The following SLAMF8 variants were observed in gnomAD, a reference collection of about 807,000 sequenced individuals.
The protein encoded by SLAMF8 is SLAM family member 8, also known as B lymphocyte activator macrophage expressed.
A neutral mutation model predicts 29.0 loss-of-function variants in SLAMF8; 23 were observed. The ratio of observed to expected loss-of-function variants is 0.79; its 90% confidence interval spans 0.57 to 1.13. The LOEUF (loss-of-function observed/expected upper bound fraction) is 1.13, where lower values mean the gene tolerates loss of function less well. Among genes scored for constraint, SLAMF8 ranks in the 50% most tolerant of loss-of-function variants. The pLI, the probability that SLAMF8 is intolerant of heterozygous loss-of-function variation, is 0.00. For synonymous variants in SLAMF8, 139 were observed against 145.6 expected (o/e 0.96, Z 0.32); for missense variants, 381 against 353.1 (o/e 1.08, Z -0.63).
intron 2 of SLAMF8, 89 bp from the exon 3 acceptor site, chr1:159,832,786 GC>G (rs1411919462): frequency 1.4e-6 from 2 of 1,417,062 alleles, no homozygotes; most frequent in Non-Finnish European, 1.9e-6. Flanking sequence ...GCCAGAGGTG[GC>G]ATCTAACCCT....
At position 159,836,802 on chromosome 1, in the gene SLAMF8, T is replaced by A; in HGVS notation, c.*1542T>A. ...GCTCAGAGGTTCCCTGTTGGTAACCTGGCTTTATCAAATTCTCATCCCTTT... is the reference window on the plus strand; with the variant it reads ...GCTCAGAGGTTCCCTGTTGGTAACCAGGCTTTATCAAATTCTCATCCCTTT... On this transcript the variant is annotated 3_prime_UTR_variant, in exon 5 of 5. Transcript: ENST00000289707. 1.0e-6 allele frequency: 1 copy of A among 985,608 alleles called. No individual in the cohort carries two copies. Among genetic ancestry groups the A allele is most frequent in the Non-Finnish European group, 1.2e-6 (1 of 830,026 alleles). The allele number at this position is 985,608 out of a possible 1,614,324, so 61.1% of individuals were successfully genotyped here.
rs1571147624 is a variant in SLAMF8, at chr1:159,836,439, C to T, written c.*1179C>T. On this transcript the variant is annotated 3_prime_UTR_variant, in exon 5 of 5. Coordinates refer to ENST00000289707, the MANE Select transcript of SLAMF8 (RefSeq NM_020125.3). Reference sequence around the variant, plus strand: ...GGAGTATTGATCACTACTGGAAAAACACTTAAGGAGCTAAACTTACCTTCG... The same window carrying T: ...GGAGTATTGATCACTACTGGAAAAATACTTAAGGAGCTAAACTTACCTTCG... The T allele has an allele frequency of 1.0e-6, 1 of 985,434 alleles. No individual in the cohort carries two copies. The highest frequency in any genetic ancestry group is 1.7e-5 in the African/African-American group (1 of 57,358). The allele number at this position is 985,434 out of a possible 1,614,324, so 61.0% of individuals were successfully genotyped here. A position where few individuals can be genotyped will look rare whatever the true frequency, so the allele number is the denominator to read the frequency against.
intron 2 of SLAMF8, among the ~76,000 whole-genome samples, chr1:159,831,966 C>T (rs1647518686): frequency 6.6e-6 from 1 of 152,190 alleles, no homozygotes; most frequent in South Asian, 2.1e-4. Flanking sequence ...ACTGAACTGG[C>T]ATTAACGAGG....
rs1709886255 is a variant in SLAMF8 at position 159,836,353 on chromosome 1, T to G, written c.*1093T>G. ...GTCACTCTGACTCCATCAAACTTTTTATTGTGGCCATCTTAGGAAAATACA... is the reference window on the plus strand; with the variant it reads ...GTCACTCTGACTCCATCAAACTTTTGATTGTGGCCATCTTAGGAAAATACA... On this transcript the variant is annotated 3_prime_UTR_variant, in exon 5 of 5. Coordinates refer to ENST00000289707, the MANE Select transcript of SLAMF8 (RefSeq NM_020125.3). 1 of 985,434 alleles carries G rather than the reference T, an allele frequency of 1.0e-6. No homozygotes were observed. Among genetic ancestry groups the G allele is most frequent in the Admixed American group, 6.1e-5 (1 of 16,290 alleles). 61.0% of individuals were successfully genotyped at this position (985,434 alleles called of 1,614,324 possible).
At chr1:159,831,072 C>T (rs1490090851) in intron 2 of SLAMF8, among the ~76,000 whole-genome samples, 2 of 152,226 alleles carry the variant, frequency 1.3e-5, no homozygotes, top group East Asian at 3.8e-4. Flanking sequence ...CCACCTCCAC[C>T]ACCTTCATCA....
intron 2 of SLAMF8, among the ~76,000 whole-genome samples, chr1:159,830,931 G>C (rs1023420967): frequency 6.6e-6 from 1 of 152,078 alleles, no homozygotes; most frequent in Non-Finnish European, 1.5e-5. Context: ...GGCCCAGCTG[G>C]GTGCGACTTC....
At chr1:159,831,193 T>C (rs1232898679) in intron 2 of SLAMF8, among the ~76,000 whole-genome samples, 1 of 151,898 alleles carries the variant, frequency 6.6e-6, no homozygotes, top group East Asian at 1.9e-4. Flanking sequence ...ACCTTAGAAA[T>C]TTAGATAGAG....
chr1:159,829,775 G>T, intron 1 of SLAMF8, 91 bp from the exon 2 acceptor site: 1 of 1,422,410 alleles, frequency 7.0e-7, no homozygotes, highest in Non-Finnish European at 9.5e-7. Context: ...CAGTGGAGGG[G>T]CCCCAATTCA....
In SLAMF8 at chr1:159,837,019, G is replaced by A. The variant is rs12402918; in HGVS notation, c.*1759G>A. ...AAAGGAAAGCCCAGGATCTGACAAT[G>A]AGCCCTGGTGGATTTGTGGGGAAAA... On this transcript the variant is annotated 3_prime_UTR_variant, in exon 5 of 5. Transcript: ENST00000289707. 30 of 985,380 alleles carry A rather than the reference G, an allele frequency of 3.0e-5. No individual in the cohort carries two copies. In the African/African-American group the frequency reaches 3.5e-4, roughly 11 times the overall value. The allele number at this position is 985,380 out of a possible 1,614,324, so 61.0% of individuals were successfully genotyped here. A position where few individuals can be genotyped will look rare whatever the true frequency, so the allele number is the denominator to read the frequency against.
chr1:159,833,232 C>A (rs761528776), intron 3 of SLAMF8, 30 bp from the exon 4 acceptor site: 1 of 1,614,158 alleles, frequency 6.2e-7, no homozygotes. Flanking sequence ...AGCATCAAGT[C>A]CACCTCTAAC....
In SLAMF8 at chr1:159,833,014, C is replaced by A; in HGVS notation, c.506C>A (p.Thr169Asn). The change falls in exon 3 of 5, where the codon ACC (threonine) becomes AAC (asparagine). Residue 169 changes from threonine to asparagine, a missense_variant. Coordinates refer to ENST00000289707, the MANE Select transcript of SLAMF8 (RefSeq NM_020125.3). ...EITYSWRRET[T>N]MDFGMEPHSL... ...ACCTATAGCTGGCGACGGGAGACAA[C>A]CATGGACTTTGGTATGGAACCACAC... is the stretch of plus-strand genomic sequence containing the variant. 1 of 1,614,230 alleles carries A rather than the reference C, an allele frequency of 6.2e-7. No individual in the cohort carries two copies.
intron 1 of SLAMF8, among the ~76,000 whole-genome samples, chr1:159,828,432 C>T (rs1396080132): frequency 1.3e-5 from 2 of 152,214 alleles, no homozygotes; most frequent in Non-Finnish European, 2.9e-5. Context: ...CCGGAATTAT[C>T]ATGGCCGACT....
Position 159,833,290 on chromosome 1 carries a change from G to A in SLAMF8, c.702G>A (p.Val234=). ...CAGGGAAGGCCTCCTACAAAGATGTGCTGCTGGTGGTGGTGCCTGTCTCGC... is the reference window on the plus strand; with the variant it reads ...CAGGGAAGGCCTCCTACAAAGATGTACTGCTGGTGGTGGTGCCTGTCTCGC... ...AAPGKASYKD[V]LLVVVPVSLL... The change falls in exon 4 of 5, where the codon GTG becomes GTA. Residue 234 remains valine, a synonymous_variant. Coordinates refer to ENST00000289707, the MANE Select transcript of SLAMF8 (RefSeq NM_020125.3). 1 of 1,614,182 alleles carries A rather than the reference G, an allele frequency of 6.2e-7. No homozygotes were observed. Among genetic ancestry groups the A allele is most frequent in the Non-Finnish European group, 8.5e-7 (1 of 1,180,012 alleles).
Position 159,833,101 on chromosome 1 carries a change from C to T in SLAMF8, c.593C>T (p.Ala198Val). The T allele has an allele frequency of 6.2e-7, 1 of 1,614,188 alleles. No homozygotes were observed. Among genetic ancestry groups the T allele is most frequent in the Non-Finnish European group, 8.5e-7 (1 of 1,180,040 alleles). The change falls in exon 3 of 5, where the codon GCC (alanine) becomes GTC (valine). Residue 198 changes from alanine to valine, a missense_variant. Ala to Val is a moderately conservative substitution (Grantham distance 64, BLOSUM62 0). Coordinates refer to ENST00000289707, the MANE Select transcript of SLAMF8 (RefSeq NM_020125.3). ...ISLGPGDRDV[A>V]YSCIVSNPVS... ...CTGGGACCAGGAGACAGAGATGTGG[C>T]CTATTCCTGCATTGTCTCCAACCCT...
At chr1:159,829,738 C>A in intron 1 of SLAMF8, 128 bp from the exon 2 acceptor site, 2 of 951,566 alleles carry the variant, frequency 2.1e-6, no homozygotes, top group Non-Finnish European at 3.2e-6. Context: ...TAGCACAGTG[C>A]AACCTCAACT....
At chr1:159,829,269 A>G (rs1647295977) in intron 1 of SLAMF8, among the ~76,000 whole-genome samples, 2 of 152,162 alleles carry the variant, frequency 1.3e-5, no homozygotes. Flanking sequence ...AACCTACCTG[A>G]GACGCCCCAT....
Position 159,835,454 on chromosome 1 carries a change from C to T in SLAMF8, c.*194C>T, listed in dbSNP as rs1429925415. On this transcript the variant is annotated 3_prime_UTR_variant, in exon 5 of 5. Coordinates refer to ENST00000289707, the MANE Select transcript of SLAMF8 (RefSeq NM_020125.3). ...GAAGCACCAGCACGTTTCACACCTC[C>T]CCCTTCCCTCTCCCATCTTCTCATA... 2 of 1,364,354 alleles carry T rather than the reference C, an allele frequency of 1.5e-6. No individual in the cohort carries two copies. 84.5% of individuals were successfully genotyped at this position (1,364,354 alleles called of 1,614,324 possible).
intron 2 of SLAMF8, among the ~76,000 whole-genome samples, chr1:159,830,448 C>T (rs556139693): frequency 6.6e-6 from 1 of 152,306 alleles, no homozygotes; most frequent in Admixed American, 6.5e-5. Context: ...TGGCCTTGGA[C>T]ACAATGCTTA....
chr1:159,833,477 A>G (rs1433855836), intron 4 of SLAMF8, 108 bp downstream of exon 4: 1 of 1,468,940 alleles, frequency 6.8e-7, no homozygotes, highest in Non-Finnish European at 9.3e-7. Flanking sequence ...GCCCCTTCCT[A>G]CCTCTCCCAC....
Sources: allele counts gnomAD v4.1 joint callset (sites outside exome capture counted in the v4.1 genomes callset), GRCh38; gene constraint gnomAD v4.1.1; transcripts MANE v1.5; gene names NCBI Gene and HGNC (gene_info 2026-07-23, HGNC 2026-07-21).